The following KCNJ16 variants were observed in gnomAD, a reference collection of about 807,000 sequenced individuals.
KCNJ16 encodes the protein potassium inwardly rectifying channel subfamily J member 16.
In KCNJ16, 15 loss-of-function variants were observed where a neutral mutation model predicts 18.5. That is an observed-to-expected ratio of 0.81 (90% CI 0.54 to 1.25). The LOEUF is 1.25. Ranked by LOEUF, KCNJ16 falls within the 50% of genes most tolerant of loss-of-function variation. KCNJ16 has a pLI of 0.00. For missense variants in KCNJ16, 523 were observed against 525.7 expected (o/e 0.99, Z 0.05); for synonymous variants, 174 against 186.5 (o/e 0.93, Z 0.55).
chr17:70,124,321 G>C (rs1034590795), intron 2 of KCNJ16, among the ~76,000 whole-genome samples: 18 of 152,012 alleles, frequency 1.2e-4, no homozygotes, highest in Non-Finnish European at 2.2e-4. Context: ...TCCTTTGTAT[G>C]GTTTTCATGT....
chr17:70,100,854 C>T (rs1272168577), intron 2 of KCNJ16, 88 bp downstream of exon 2: 1 of 152,224 alleles, frequency 6.6e-6, no homozygotes, highest in African/African-American at 2.4e-5. Context: ...TATCCCTACG[C>T]ATTTTTCCAG....
intron 1 of KCNJ16, among the ~76,000 whole-genome samples, chr17:70,099,982 A>C (rs1358513282): frequency 6.6e-6 from 1 of 152,250 alleles, no homozygotes; most frequent in African/African-American, 2.4e-5. Flanking sequence ...GATTCAAATA[A>C]CTTTAGAATC....
chr17:70,116,466 G>GTTGTACCAGA (rs1200182727), intron 2 of KCNJ16, among the ~76,000 whole-genome samples: 1 of 152,154 alleles, frequency 6.6e-6, no homozygotes, highest in Non-Finnish European at 1.5e-5. Context: ...TGCATTGGAG[G>GTTGTACCAGA]TTGTACCAGA....
chr17:70,092,582 G>GATAA (rs2072168395), intron 1 of KCNJ16, among the ~76,000 whole-genome samples: 1 of 151,220 alleles, frequency 6.6e-6, no homozygotes, highest in Non-Finnish European at 1.5e-5. Context: ...TAGATAGATA[G>GATAA]ATAGATAGAT....
intron 1 of KCNJ16, among the ~76,000 whole-genome samples, chr17:70,082,868 A>G (rs2071615485): frequency 6.6e-6 from 1 of 152,204 alleles, no homozygotes; most frequent in Admixed American, 6.5e-5. Flanking sequence ...CTGGGCCCAA[A>G]GTCAGGAGCT....
At chr17:70,106,802 G>A (rs2072950641) in intron 2 of KCNJ16, among the ~76,000 whole-genome samples, 1 of 152,156 alleles carries the variant, frequency 6.6e-6, no homozygotes, top group Non-Finnish European at 1.5e-5. Flanking sequence ...TGTTGGGATG[G>A]GCTGGCATGA....
intron 2 of KCNJ16, among the ~76,000 whole-genome samples, chr17:70,114,177 A>C (rs1179031490): frequency 1.3e-5 from 2 of 152,150 alleles, no homozygotes; most frequent in Non-Finnish European, 2.9e-5. Context: ...TTTCATTGCA[A>C]CAGCTTAAAA....
Position 70,135,563 on chromosome 17 carries a change from C to A in KCNJ16, c.*2219C>A, listed in dbSNP as rs1049186921. On this transcript the variant is annotated 3_prime_UTR_variant, in exon 4 of 4. Transcript: ENST00000392671. ...GTAATTTTATAACATACTTTGACAA[C>A]CCCAGTGAGTTACTTAATAATAAAG... The A allele has an allele frequency of 6.6e-5, 11 of 166,478 alleles. No homozygotes were observed. Among genetic ancestry groups the A allele is most frequent in the African/African-American group, 2.7e-4 (11 of 41,408 alleles). The allele number at this position is 166,478 out of a possible 1,614,324, so 10.3% of individuals were successfully genotyped here.
Position 70,132,775 on chromosome 17 carries a change from A to C in KCNJ16, c.688A>C (p.Arg230=). 6.2e-7 allele frequency: 1 copy of C among 1,614,008 alleles called. No individual in the cohort carries two copies. Among genetic ancestry groups the C allele is most frequent in the Non-Finnish European group, 8.5e-7 (1 of 1,180,032 alleles). Residue 230 remains arginine (R), a synonymous_variant, in exon 4 of 4, where the codon AGG becomes CGG. Transcript: ENST00000392671. ...LLRYTEDSEG[R]MTMAFKDLKL... is the part of the protein sequence containing the mutation. ...CCGCTATACAGAAGACAGTGAAGGG[A>C]GGATGACGATGGCATTTAAAGACCT...
chr17:70,084,250 G>T (rs1026583197), intron 1 of KCNJ16, among the ~76,000 whole-genome samples: 7 of 152,180 alleles, frequency 4.6e-5, no homozygotes, highest in Non-Finnish European at 8.8e-5. Context: ...TCTGAGACAC[G>T]TAGTCTCAGT....
chr17:70,117,816 C>T (rs1200310586), intron 2 of KCNJ16, among the ~76,000 whole-genome samples: 1 of 152,156 alleles, frequency 6.6e-6, no homozygotes, highest in Admixed American at 6.5e-5. Context: ...CCTCGTGGAG[C>T]TTACAATTTA....
At chr17:70,100,487 T>A (rs1322666426) in intron 1 of KCNJ16, among the ~76,000 whole-genome samples, 171 bp from the exon 2 acceptor site, 1 of 152,172 alleles carries the variant, frequency 6.6e-6, no homozygotes, top group African/African-American at 2.4e-5. Context: ...CCGAAAAACA[T>A]TACTCTCACT....
intron 1 of KCNJ16, 33 bp downstream of exon 1, chr17:70,075,423 ATTCAGCCTATGTTTTGCTC>A (rs1359656573): frequency 6.6e-6 from 1 of 152,210 alleles, no homozygotes; most frequent in African/African-American, 2.4e-5. Flanking sequence ...ATACAATGTC[ATTCAGCCTATGTTTTGCTC>A]TTGCTGGCAT....
intron 1 of KCNJ16, among the ~76,000 whole-genome samples, chr17:70,089,406 T>G (rs11077471): frequency 0.83 from 126,987 of 152,216 alleles, 53,127 homozygotes; most frequent in East Asian, 0.96. Context: ...AAAGAGGGAA[T>G]AAGTATGTTT....
At chr17:70,110,984 G>C (rs1246744878) in intron 2 of KCNJ16, among the ~76,000 whole-genome samples, 1 of 152,136 alleles carries the variant, frequency 6.6e-6, no homozygotes, top group East Asian at 1.9e-4. Context: ...ATATTATAAG[G>C]AGAGTGAGTA....
intron 1 of KCNJ16, among the ~76,000 whole-genome samples, chr17:70,095,921 C>T (rs12942041): frequency 0.85 from 112,952 of 132,198 alleles, 48,214 homozygotes; most frequent in East Asian, 0.96. Context: ...CTTGCTCTGT[C>T]ACCCAGGCTG....
At chr17:70,125,827 G>A (rs984267322) in intron 2 of KCNJ16, among the ~76,000 whole-genome samples, 5 of 152,088 alleles carry the variant, frequency 3.3e-5, no homozygotes, top group African/African-American at 1.2e-4. Flanking sequence ...AGCTACTCGG[G>A]AGGCTGAGGC....
At chr17:70,098,966 CTCT>C (rs1381817848) in intron 1 of KCNJ16, among the ~76,000 whole-genome samples, 2 of 152,168 alleles carry the variant, frequency 1.3e-5, no homozygotes, top group African/African-American at 4.8e-5. Context: ...CTGTTTACAC[CTCT>C]TATCAAATCC....
intron 2 of KCNJ16, chr17:70,102,201 G>C (rs1382761405): frequency 1.2e-5 from 1 of 82,312 alleles, no homozygotes; most frequent in East Asian, 3.6e-4. Context: ...CTTTCTTCTT[G>C]TTCACCAAAA....
Sources: allele counts gnomAD v4.1 joint callset (sites outside exome capture counted in the v4.1 genomes callset), GRCh38; gene constraint gnomAD v4.1.1; transcripts MANE v1.5; gene names NCBI Gene and HGNC (gene_info 2026-07-23, HGNC 2026-07-21).